DPP6: variants seen among roughly 807,000 people sequenced by gnomAD.
DPP6 encodes A-type potassium channel modulatory protein DPP6.
A neutral mutation model predicts 122.6 loss-of-function variants in DPP6; 69 were observed. The ratio of observed to expected loss-of-function variants is 0.56; its 90% CI spans 0.46 to 0.69. The LOEUF is 0.69. DPP6 is among the 30% of genes least tolerant of loss of function. DPP6 has a pLI of 0.00. For synonymous variants in DPP6, 418 were observed against 433.1 expected, an observed-to-expected ratio of 0.97 and a Z score of 0.43; for missense variants, 928 against 1,116.9, an observed-to-expected ratio of 0.83 and a Z score of 2.41.
At chr7:154,454,778 G>A (rs1488825886) in intron 2 of DPP6, among the ~76,000 whole-genome samples, 1 of 152,180 alleles carries the variant, frequency 6.6e-6, no homozygotes. Flanking sequence ...TGGAAGGAAA[G>A]AAAGGGCATT....
intron 3 of DPP6, among the ~76,000 whole-genome samples, chr7:154,523,433 C>T (rs1266284248): frequency 6.6e-6 from 1 of 151,798 alleles, no homozygotes; most frequent in East Asian, 1.9e-4. Flanking sequence ...CTAAAACATG[C>T]ATCTCCAAAG....
intron 1 of DPP6, among the ~76,000 whole-genome samples, chr7:153,934,665 C>T (rs1228476033): frequency 2.0e-5 from 3 of 152,162 alleles, no homozygotes; most frequent in Admixed American, 6.5e-5. Context: ...CATACAAACA[C>T]GAGCAGACAC....
the DPP6 span, among the ~76,000 whole-genome samples, chr7:153,764,283 C>T: frequency 6.6e-6 from 1 of 152,130 alleles, no homozygotes; most frequent in Non-Finnish European, 1.5e-5. Context: ...TCTCTTGGCC[C>T]CCTTCCTGGT....
At chr7:154,778,826 C>T (rs1455234432) in intron 10 of DPP6, among the ~76,000 whole-genome samples, 3 of 99,852 alleles carry the variant, frequency 3.0e-5, no homozygotes, top group Admixed American at 1.1e-4. Flanking sequence ...TTCCAACCTT[C>T]ACCACCTGTA....
intron 1 of DPP6, among the ~76,000 whole-genome samples, chr7:153,953,170 C>T (rs184278528): frequency 2.0e-5 from 3 of 152,250 alleles, no homozygotes; most frequent in Admixed American, 2.0e-4. Flanking sequence ...AGTAGTCTTT[C>T]CCACTTGTCA....
At chr7:154,564,530 G>A (rs1830619217) in intron 4 of DPP6, among the ~76,000 whole-genome samples, 1 of 152,012 alleles carries the variant, frequency 6.6e-6, no homozygotes, top group African/African-American at 2.4e-5. Context: ...AAAGAATTTG[G>A]CAATACCTAT....
chr7:154,617,374 G>A (rs190794607), intron 5 of DPP6, among the ~76,000 whole-genome samples: 85 of 152,304 alleles, frequency 5.6e-4, no homozygotes, highest in African/African-American at 2.0e-3. Flanking sequence ...AGCATCTAAT[G>A]TTCTAACTCT....
chr7:154,147,298 G>T (rs555668979), intron 1 of DPP6, among the ~76,000 whole-genome samples: 54 of 152,154 alleles, frequency 3.5e-4, no homozygotes, highest in African/African-American at 1.3e-3. Context: ...TCATTCTCTC[G>T]TCCAGTCTTT....
chr7:154,888,945 G>A (rs539779266), intron 23 of DPP6, among the ~76,000 whole-genome samples: 10 of 152,258 alleles, frequency 6.6e-5, no homozygotes, highest in South Asian at 2.1e-4. Context: ...ATCAGCTCTC[G>A]TGAGATTTAT....
At chr7:154,046,659 T>C (rs1303291641) in intron 1 of DPP6, among the ~76,000 whole-genome samples, 1 of 152,202 alleles carries the variant, frequency 6.6e-6, no homozygotes, top group Non-Finnish European at 1.5e-5. Context: ...TCCCTCCTTA[T>C]GTTTCACAGT....
chr7:154,752,082 G>A (rs897292045), intron 8 of DPP6, among the ~76,000 whole-genome samples: 3 of 152,266 alleles, frequency 2.0e-5, no homozygotes, highest in Middle Eastern at 3.4e-3. Context: ...GGAGGAATGC[G>A]CCATCTTTGT....
At chr7:154,805,676 G>T (rs1374814693) in intron 15 of DPP6, among the ~76,000 whole-genome samples, 2 of 152,178 alleles carry the variant, frequency 1.3e-5, no homozygotes, top group African/African-American at 4.8e-5. Flanking sequence ...CCCTGGAGGG[G>T]GACTGGTTTT....
intron 1 of DPP6, among the ~76,000 whole-genome samples, chr7:154,231,231 A>G (rs1563344146): frequency 2.0e-5 from 3 of 152,174 alleles, no homozygotes; most frequent in South Asian, 2.1e-4. Flanking sequence ...TGTCTTTGAC[A>G]TGGATAGAGA....
At chr7:154,454,703 T>A (rs1471269387) in intron 2 of DPP6, among the ~76,000 whole-genome samples, 1 of 152,148 alleles carries the variant, frequency 6.6e-6, no homozygotes, top group Non-Finnish European at 1.5e-5. Flanking sequence ...TAACTTCTCA[T>A]ACCGTTTACA....
chr7:154,695,048 A>G (rs918449842), intron 7 of DPP6, among the ~76,000 whole-genome samples: 1 of 152,212 alleles, frequency 6.6e-6, no homozygotes, highest in Non-Finnish European at 1.5e-5. Flanking sequence ...CTGTTTTGTC[A>G]TTAAAATAGA....
intron 1 of DPP6, among the ~76,000 whole-genome samples, chr7:154,264,202 T>C (rs1803217757): frequency 6.6e-6 from 1 of 152,312 alleles, no homozygotes; most frequent in Non-Finnish European, 1.5e-5. Flanking sequence ...AGTTCAAGTA[T>C]CCCTAATTCT....
chr7:154,827,690 G>A (rs1380745149), intron 16 of DPP6, among the ~76,000 whole-genome samples: 1 of 130,704 alleles, frequency 7.7e-6, no homozygotes, highest in Non-Finnish European at 1.6e-5. Context: ...CCCAAGCAGA[G>A]TGAGGAGGGG....
intron 6 of DPP6, among the ~76,000 whole-genome samples, chr7:154,666,393 A>G (rs2131084398): frequency 6.6e-6 from 1 of 152,114 alleles, no homozygotes; most frequent in East Asian, 1.9e-4. Context: ...ATAATTATAT[A>G]TATTTACAGG....
intron 1 of DPP6, among the ~76,000 whole-genome samples, chr7:154,285,939 T>A (rs1804819869): frequency 6.6e-6 from 1 of 152,246 alleles, no homozygotes; most frequent in African/African-American, 2.4e-5. Flanking sequence ...GAGGTACTAC[T>A]TTTGTAAACT....
Sources: gnomAD v4.1 joint callset for allele counts (sites outside exome capture counted in the v4.1 genomes callset) on GRCh38, gnomAD v4.1.1 for gene constraint, MANE v1.5 for transcripts, NCBI Gene and HGNC (gene_info 2026-07-23, HGNC 2026-07-21) for gene names.